ST6GALNAC3: variants seen among roughly 807,000 people sequenced by gnomAD.
ST6GALNAC3 encodes ST6 N-acetylgalactosaminide alpha-2,6-sialyltransferase 3, also known as alpha-N-acetylgalactosaminide alpha-2,6-sialyltransferase 3.
Under a neutral mutation model 32.7 loss-of-function variants are expected in ST6GALNAC3, and 25 were observed. The ratio of observed to expected loss-of-function variants is 0.76; its 90% confidence interval spans 0.56 to 1.07. The LOEUF (loss-of-function observed/expected upper bound fraction) is 1.07, where lower values mean the gene tolerates loss of function less well. Ranked by LOEUF, ST6GALNAC3 falls within the 50% of genes least tolerant of loss-of-function variation. The pLI, the probability that ST6GALNAC3 is intolerant of heterozygous loss-of-function variation, is 0.00. For missense variants in ST6GALNAC3, 355 were observed against 382.4 expected (o/e 0.93, Z 0.60); for synonymous variants, 129 against 133.1 (o/e 0.97, Z 0.21).
chr1:76,164,337 A>G (rs899250148), intron 1 of ST6GALNAC3, among the ~76,000 whole-genome samples: 2 of 152,166 alleles, frequency 1.3e-5, no homozygotes, highest in African/African-American at 4.8e-5. Flanking sequence ...GCCAGTAAAG[A>G]AACTCCAATA....
intron 2 of ST6GALNAC3, among the ~76,000 whole-genome samples, chr1:76,404,954 T>C (rs985315712): frequency 6.6e-5 from 10 of 152,144 alleles, no homozygotes; most frequent in Admixed American, 2.0e-4. Flanking sequence ...GAAATACTCA[T>C]TGAAGTTCTT....
intron 1 of ST6GALNAC3, among the ~76,000 whole-genome samples, chr1:76,264,900 C>T (rs112393148): frequency 2.9e-5 from 4 of 137,442 alleles, no homozygotes; most frequent in Admixed American, 1.5e-4. Context: ...CTCTAGTGCT[C>T]TTTTTTTTTT....
At chr1:76,279,157 C>CTCT (rs1659354600) in intron 1 of ST6GALNAC3, among the ~76,000 whole-genome samples, 1 of 152,200 alleles carries the variant, frequency 6.6e-6, no homozygotes, top group African/African-American at 2.4e-5. Context: ...TTCCCCTAGA[C>CTCT]TGCATTTGGA....
chr1:76,253,561 G>A (rs934078023), intron 1 of ST6GALNAC3, among the ~76,000 whole-genome samples: 13 of 152,114 alleles, frequency 8.5e-5, no homozygotes, highest in Non-Finnish European at 1.5e-4. Flanking sequence ...CCATGACACT[G>A]CTAGAATGTT....
At chr1:76,597,332 G>C (rs769515800) in intron 3 of ST6GALNAC3, among the ~76,000 whole-genome samples, 7 of 152,090 alleles carry the variant, frequency 4.6e-5, no homozygotes, top group Non-Finnish European at 1.0e-4. Context: ...GGTAATGACA[G>C]TGGTGAGTTT....
intron 3 of ST6GALNAC3, among the ~76,000 whole-genome samples, chr1:76,537,272 C>T (rs1663671410): frequency 6.6e-6 from 1 of 152,036 alleles, no homozygotes; most frequent in East Asian, 1.9e-4. Flanking sequence ...TTCTTTAAAA[C>T]CAATAAAAAC....
chr1:76,368,903 A>C lies in ST6GALNAC3; in HGVS notation c.214-43105A>C, dbSNP rs78392089. On this transcript the variant is annotated intron_variant, in intron 2 of 4. Transcript: ENST00000328299. Reference sequence around the variant, plus strand: ...TTTGGGCAGTCTGTGTCTACTAACAACTTGGTCCACACCCACTGCTCTGCT... The same window carrying C: ...TTTGGGCAGTCTGTGTCTACTAACACCTTGGTCCACACCCACTGCTCTGCT... Among the ~76,000 whole-genome samples, 585 of 152,214 alleles carry C rather than the reference A, an allele frequency of 3.8e-3. 4 individuals carry two copies. The highest frequency in any genetic ancestry group is 0.014 in the African/African-American group (562 of 41,534).
At position 76,262,496 on chromosome 1, in the gene ST6GALNAC3, G is replaced by A. The variant is rs75223066; in HGVS notation, c.19-51309G>A. 5.0e-3 allele frequency among the ~76,000 whole-genome samples: 759 copies of A among 152,272 alleles called. 8 individuals are homozygous for A. The highest frequency in any genetic ancestry group is 0.017 in the African/African-American group (722 of 41,556). On this transcript the variant is annotated intron_variant, in intron 1 of 4. Transcript: ENST00000328299. ...TGAGTATTGCTTTGTCAATTCTAAT[G>A]TCTTTCTATGATGTTGATATTTGGA...
intron 1 of ST6GALNAC3, among the ~76,000 whole-genome samples, chr1:76,310,424 G>A (rs545413754): frequency 1.3e-5 from 2 of 152,292 alleles, no homozygotes; most frequent in Admixed American, 6.5e-5. Context: ...GATAAGGGGT[G>A]TTGAGGAGGC....
chr1:76,334,729 A>T (rs1429139533), intron 2 of ST6GALNAC3, among the ~76,000 whole-genome samples: 1 of 152,190 alleles, frequency 6.6e-6, no homozygotes, highest in Non-Finnish European at 1.5e-5. Flanking sequence ...GAAACCCTAG[A>T]AAGTATAATT....
intron 3 of ST6GALNAC3, among the ~76,000 whole-genome samples, chr1:76,603,527 T>C (rs1647337750): frequency 6.6e-6 from 1 of 152,302 alleles, no homozygotes; most frequent in Non-Finnish European, 1.5e-5. Flanking sequence ...AAACCAAATA[T>C]TTTGTTCATG....
intron 3 of ST6GALNAC3, among the ~76,000 whole-genome samples, chr1:76,512,794 T>A (rs1303997214): frequency 6.6e-6 from 1 of 152,088 alleles, no homozygotes; most frequent in Non-Finnish European, 1.5e-5. Context: ...TCTTTATTTA[T>A]ATACACACAA....
chr1:76,356,766 A>T (rs890397100), intron 2 of ST6GALNAC3, among the ~76,000 whole-genome samples: 1 of 152,234 alleles, frequency 6.6e-6, no homozygotes, highest in Non-Finnish European at 1.5e-5. Context: ...GATAATGCAC[A>T]GGGATCTTCG....
intron 1 of ST6GALNAC3, among the ~76,000 whole-genome samples, chr1:76,099,297 G>C (rs901126639): frequency 6.6e-6 from 1 of 152,024 alleles, no homozygotes; most frequent in Non-Finnish European, 1.5e-5. Context: ...AAAAATTGTG[G>C]ATCTTATTTA....
chr1:76,174,452 TA>T lies in ST6GALNAC3; in HGVS notation c.18+99575del, dbSNP rs1171848183. On this transcript the variant is annotated intron_variant, in intron 1 of 4. Coordinates refer to ENST00000328299, the MANE Select transcript of ST6GALNAC3 (RefSeq NM_152996.4). ...CATTGTTTTTTTTTTTTAGAAGAAATAAAAAAATTTCAGTGTTAATGACTGT... is the reference window on the plus strand; with the variant it reads ...CATTGTTTTTTTTTTTTAGAAGAAATAAAAAATTTCAGTGTTAATGACTGT... 1.1e-4 allele frequency among the ~76,000 whole-genome samples: 17 copies of T among 151,252 alleles called. No homozygotes were observed. In the South Asian group the frequency reaches 3.1e-3, roughly 28 times the overall value.
At chr1:76,456,721 C>T (rs1007012148) in intron 3 of ST6GALNAC3, among the ~76,000 whole-genome samples, 2 of 152,160 alleles carry the variant, frequency 1.3e-5, no homozygotes, top group African/African-American at 4.8e-5. Context: ...TAAGAGCTAT[C>T]TGTGACAAAC....
chr1:76,175,435 T>C (rs1442954082), intron 1 of ST6GALNAC3, among the ~76,000 whole-genome samples: 1 of 152,184 alleles, frequency 6.6e-6, no homozygotes, highest in Non-Finnish European at 1.5e-5. Context: ...TTTTAAGGCA[T>C]ACCAGAGAAC....
intron 1 of ST6GALNAC3, among the ~76,000 whole-genome samples, chr1:76,200,943 A>C (rs1654481765): frequency 6.6e-6 from 1 of 152,142 alleles, no homozygotes; most frequent in Admixed American, 6.5e-5. Context: ...TGGGAGGAAG[A>C]CTGCTCTAAA....
chr1:76,461,056 CA>C (rs1557440781), intron 3 of ST6GALNAC3, among the ~76,000 whole-genome samples: 1 of 152,136 alleles, frequency 6.6e-6, no homozygotes, highest in Non-Finnish European at 1.5e-5. Context: ...GAAGTAAATT[CA>C]TAGTTCAAAA....
Sources: allele counts gnomAD v4.1 joint callset (sites outside exome capture counted in the v4.1 genomes callset), GRCh38; gene constraint gnomAD v4.1.1; transcripts MANE v1.5; gene names NCBI Gene and HGNC (gene_info 2026-07-23, HGNC 2026-07-21).